HEMK2: variants seen among roughly 807,000 people sequenced by gnomAD.
HEMK2 encodes the protein methyltransferase HEMK2.
At chr21:28,686,373 T>C in the HEMK2 span, among the ~76,000 whole-genome samples, 1 of 152,088 alleles carries the variant, frequency 6.6e-6, no homozygotes. Flanking sequence ...TAGCTGGGAT[T>C]ACTGGCACCC....
chr21:28,831,685 AGG>A, the HEMK2 span, among the ~76,000 whole-genome samples: 53 of 57,114 alleles, frequency 9.3e-4, no homozygotes, highest in African/African-American at 1.7e-3. Flanking sequence ...GAAAGAAAGA[AGG>A]AAGGAAGGAA....
At chr21:28,585,476 T>A in the HEMK2 span, among the ~76,000 whole-genome samples, 156 of 151,720 alleles carry the variant, frequency 1.0e-3, no homozygotes, top group Non-Finnish European at 1.9e-3. Context: ...GAACATAGAG[T>A]ACCTATGTTA....
At chr21:28,705,531 A>G in the HEMK2 span, among the ~76,000 whole-genome samples, 1 of 152,226 alleles carries the variant, frequency 6.6e-6, no homozygotes, top group Non-Finnish European at 1.5e-5. Context: ...GCTGCATAGT[A>G]CAGCCTACAC....
chr21:28,784,911 C>T, the HEMK2 span, among the ~76,000 whole-genome samples: 2 of 152,242 alleles, frequency 1.3e-5, no homozygotes, highest in South Asian at 4.1e-4. Flanking sequence ...CTGCTGCTCA[C>T]TCTCTGGGTC....
At chr21:28,604,522 AT>A in the HEMK2 span, among the ~76,000 whole-genome samples, 490 of 152,256 alleles carry the variant, frequency 3.2e-3, 3 homozygotes, top group Non-Finnish European at 6.0e-3. Flanking sequence ...AACAAGTTTG[AT>A]TTTTCATTCA....
chr21:28,609,979 T>C, the HEMK2 span, among the ~76,000 whole-genome samples: 6 of 152,180 alleles, frequency 3.9e-5, no homozygotes, highest in Non-Finnish European at 8.8e-5. Flanking sequence ...GTGGAAAACA[T>C]ATTTGAGGGA....
At chr21:28,746,723 T>C in the HEMK2 span, among the ~76,000 whole-genome samples, 1 of 148,640 alleles carries the variant, frequency 6.7e-6, no homozygotes, top group South Asian at 2.1e-4. Flanking sequence ...TCCAGAAAGA[T>C]ATGAAGAGCT....
At chr21:28,615,782 AATGCATT>A in the HEMK2 span, among the ~76,000 whole-genome samples, 6 of 152,102 alleles carry the variant, frequency 3.9e-5, no homozygotes, top group African/African-American at 1.4e-4. Context: ...TTTATTTGTT[AATGCATT>A]ATAATTAGGT....
At chr21:28,786,331 A>G in the HEMK2 span, among the ~76,000 whole-genome samples, 2 of 152,232 alleles carry the variant, frequency 1.3e-5, no homozygotes, top group African/African-American at 4.8e-5. Flanking sequence ...CCATAGGTCA[A>G]GTCTGTTATC....
At chr21:28,593,249 G>A in the HEMK2 span, among the ~76,000 whole-genome samples, 1 of 152,078 alleles carries the variant, frequency 6.6e-6, no homozygotes, top group Non-Finnish European at 1.5e-5. Flanking sequence ...TGTATAAGGT[G>A]CATATAAACA....
chr21:28,605,448 G>A, the HEMK2 span, among the ~76,000 whole-genome samples: 2,406 of 152,304 alleles, frequency 0.016, 39 homozygotes, highest in South Asian at 0.043. Flanking sequence ...CTATTTTTAA[G>A]TCAAATGTCT....
At chr21:28,831,494 A>G in the HEMK2 span, among the ~76,000 whole-genome samples, 62 of 80,376 alleles carry the variant, frequency 7.7e-4, no homozygotes, top group African/African-American at 3.3e-3. Context: ...AAAGAAAGAA[A>G]GAAAGAAAGA....
At chr21:28,864,126 T>C in the HEMK2 span, among the ~76,000 whole-genome samples, 3 of 152,142 alleles carry the variant, frequency 2.0e-5, no homozygotes, top group South Asian at 6.2e-4. Flanking sequence ...CCACTGTGCC[T>C]GGCCCCCAGA....
chr21:28,778,808 A>AT, the HEMK2 span, among the ~76,000 whole-genome samples: 4 of 151,976 alleles, frequency 2.6e-5, no homozygotes, highest in Non-Finnish European at 5.9e-5. Flanking sequence ...GGTTTAGTTG[A>AT]TTTTTTATAT....
the HEMK2 span, among the ~76,000 whole-genome samples, chr21:28,855,064 A>G: frequency 2.6e-5 from 4 of 152,232 alleles, no homozygotes; most frequent in East Asian, 7.7e-4. Flanking sequence ...AAAAGGCATA[A>G]AGTGGCAAGA....
At chr21:28,760,927 A>G in the HEMK2 span, among the ~76,000 whole-genome samples, 1 of 152,110 alleles carries the variant, frequency 6.6e-6, no homozygotes, top group African/African-American at 2.4e-5. Flanking sequence ...TTCCCTTTCA[A>G]ACATATACAG....
chr21:28,818,167 A>C, the HEMK2 span, among the ~76,000 whole-genome samples: 1 of 152,216 alleles, frequency 6.6e-6, no homozygotes, highest in East Asian at 1.9e-4. Context: ...CAGAATAAAA[A>C]GCAGGCAGAA....
the HEMK2 span, among the ~76,000 whole-genome samples, chr21:28,650,049 A>C: frequency 6.6e-6 from 1 of 152,150 alleles, no homozygotes; most frequent in Non-Finnish European, 1.5e-5. Context: ...GAAATGTTGA[A>C]ATGGATGAAT....
the HEMK2 span, among the ~76,000 whole-genome samples, chr21:28,826,252 C>A: frequency 3.9e-5 from 6 of 152,106 alleles, no homozygotes; most frequent in African/African-American, 1.4e-4. Context: ...CTTAAAGAGC[C>A]CTGATAAGTA....
Sources: gnomAD v4.1 joint callset for allele counts (sites outside exome capture counted in the v4.1 genomes callset) on GRCh38, gnomAD v4.1.1 for gene constraint, MANE v1.5 for transcripts, NCBI Gene and HGNC (gene_info 2026-07-23, HGNC 2026-07-21) for gene names.